ATPSCKMT: variants seen among roughly 807,000 people sequenced by gnomAD.
ATPSCKMT encodes the protein ATP synthase subunit C lysine N-methyltransferase.
ATPSCKMT carries 24 observed loss-of-function variants against 24.3 expected under a neutral mutation model. That is an observed-to-expected ratio of 0.99 (90% CI 0.71 to 1.39). The LOEUF (loss-of-function observed/expected upper bound fraction) is 1.39. ATPSCKMT is among the 40% of genes most tolerant of loss of function. The probability of loss-of-function intolerance (pLI) is 0.00; values close to 1 mark genes in which losing one functional copy is unlikely to be tolerated. For synonymous variants in ATPSCKMT, 95 were observed against 110.5 expected, an observed-to-expected ratio of 0.86 and a Z score of 0.88; for missense variants, 311 against 298.4, an observed-to-expected ratio of 1.04 and a Z score of -0.31.
intron 1 of ATPSCKMT, chr5:10,244,500 C>G: frequency 6.6e-6 from 1 of 152,126 alleles, no homozygotes. Context: ...TTGAGACCAG[C>G]CTGCGCAATA....
At chr5:10,232,484 A>G (rs1744191826) in intron 4 of ATPSCKMT, among the ~76,000 whole-genome samples, 1 of 152,264 alleles carries the variant, frequency 6.6e-6, no homozygotes, top group South Asian at 2.1e-4. Context: ...AGAAATGCAC[A>G]ATAACCCATC....
intron 1 of ATPSCKMT, among the ~76,000 whole-genome samples, chr5:10,246,623 T>C (rs1744943887): frequency 6.6e-6 from 1 of 152,246 alleles, no homozygotes; most frequent in Non-Finnish European, 1.5e-5. Flanking sequence ...AATATTCCAT[T>C]GTATGGATAT....
chr5:10,243,255 G>A (rs914898721), intron 1 of ATPSCKMT, among the ~76,000 whole-genome samples: 3 of 152,226 alleles, frequency 2.0e-5, no homozygotes, highest in Admixed American at 6.5e-5. Context: ...GGAGGCTGAG[G>A]TGGGCGGATC....
intron 3 of ATPSCKMT, 69 bp downstream of exon 3, chr5:10,236,409 A>G: frequency 1.3e-6 from 2 of 1,527,198 alleles, no homozygotes; most frequent in Non-Finnish European, 1.8e-6. Flanking sequence ...TTCAGTTCTC[A>G]GTCATACTAA....
At chr5:10,232,203 C>CA (rs915824636) in intron 4 of ATPSCKMT, among the ~76,000 whole-genome samples, 4 of 148,046 alleles carry the variant, frequency 2.7e-5, no homozygotes, top group Admixed American at 6.7e-5. Context: ...GACTCTGTCT[C>CA]AAAAAAAAGA....
intron 4 of ATPSCKMT, among the ~76,000 whole-genome samples, chr5:10,230,713 C>T (rs893640979): frequency 3.3e-5 from 5 of 152,112 alleles, no homozygotes; most frequent in African/African-American, 9.7e-5. Context: ...TAAGATAACC[C>T]AGCCCTGCCA....
chr5:10,244,766 T>C lies in ATPSCKMT; in HGVS notation c.16+5092A>G, dbSNP rs529606556. 3.6e-4 allele frequency among the ~76,000 whole-genome samples: 54 copies of C among 152,072 alleles called. No individual in the cohort carries two copies. In the South Asian group the frequency reaches 4.4e-3, roughly 12 times the overall value. ...ATCTCTACAAAAAATAAATTAGCCA[T>C]GTGTGGTGGCATGCACTTGTAGTCC... On this transcript the variant is annotated intron_variant, in intron 1 of 4. Coordinates refer to ENST00000511437, the MANE Select transcript of ATPSCKMT (RefSeq NM_199133.4).
intron 1 of ATPSCKMT, 51 bp downstream of exon 1, chr5:10,249,807 C>T (rs996273275): frequency 5.8e-6 from 9 of 1,540,722 alleles, no homozygotes; most frequent in Non-Finnish European, 7.8e-6. Context: ...CCCGGCCCGC[C>T]CGCACCCCTT....
At chr5:10,227,885 G>A (rs529256843) in intron 4 of ATPSCKMT, among the ~76,000 whole-genome samples, 1 of 152,220 alleles carries the variant, frequency 6.6e-6, no homozygotes, top group Non-Finnish European at 1.5e-5. Flanking sequence ...TTTAGCAGAT[G>A]TCTATCATAG....
Position 10,236,841 on chromosome 5 carries a change from A to C in ATPSCKMT, c.307-226T>G. On this transcript the variant is annotated intron_variant, in intron 2 of 4. Coordinates refer to ENST00000511437, the MANE Select transcript of ATPSCKMT (RefSeq NM_199133.4). ...CTTGATTGGTTAAAGACTTCACCTCAAGTATCAGAATAGACATTCAGGTTC... is the reference window on the plus strand; with the variant it reads ...CTTGATTGGTTAAAGACTTCACCTCCAGTATCAGAATAGACATTCAGGTTC... 4 of 1,474,312 alleles carry C rather than the reference A, an allele frequency of 2.7e-6. No homozygotes were observed. The East Asian group carries it at 8.3e-5, about 31-fold the overall frequency. The allele number at this position is 1,474,312 out of a possible 1,614,324, so 91.3% of individuals were successfully genotyped here. A position where few individuals can be genotyped will look rare whatever the true frequency, so the allele number is the denominator to read the frequency against.
chr5:10,248,101 A>G (rs1278748850), intron 1 of ATPSCKMT, among the ~76,000 whole-genome samples: 1 of 152,258 alleles, frequency 6.6e-6, no homozygotes, highest in Non-Finnish European at 1.5e-5. Context: ...GCGGGCTTAT[A>G]TCAGAATGTC....
At chr5:10,230,604 G>C (rs909732448) in intron 4 of ATPSCKMT, among the ~76,000 whole-genome samples, 3 of 152,156 alleles carry the variant, frequency 2.0e-5, no homozygotes, top group Non-Finnish European at 4.4e-5. Flanking sequence ...CTGCGTAAAG[G>C]AATTCAAAAT....
At chr5:10,237,128 T>A (rs1301682524) in intron 2 of ATPSCKMT, 1 of 862,724 alleles carries the variant, frequency 1.2e-6, no homozygotes, top group Non-Finnish European at 1.6e-6. Flanking sequence ...AAAAGTAAAA[T>A]GAAATGAATC....
chr5:10,227,496 C>A lies in ATPSCKMT; in HGVS notation c.647G>T (p.Gly216Val). ...CGATGTACAGGGCCTCTTTTCACGG[C>A]CTCTAAAAGTGCTTGCATCATATGC... ...VWAYDASTFR[G>V]REKRPCTSMH... is the part of the protein sequence containing the mutation. The change falls in exon 5 of 5, where the codon GGC (glycine) becomes GTC (valine). Residue 216 changes from glycine to valine, a missense_variant. Gly to Val is a moderately radical substitution (Grantham distance 109). Transcript: ENST00000511437. 6.2e-7 allele frequency: 1 copy of A among 1,614,160 alleles called. No individual in the cohort carries two copies. The highest frequency in any genetic ancestry group is 8.5e-7 in the Non-Finnish European group (1 of 1,180,038).
At chr5:10,249,112 T>C (rs560656781) in intron 1 of ATPSCKMT, among the ~76,000 whole-genome samples, 1 of 151,996 alleles carries the variant, frequency 6.6e-6, no homozygotes, top group South Asian at 2.1e-4. Context: ...CTACTAAAAA[T>C]ACAAAAATTA....
intron 1 of ATPSCKMT, among the ~76,000 whole-genome samples, chr5:10,242,834 C>T (rs746675591): frequency 2.7e-4 from 41 of 152,272 alleles, no homozygotes; most frequent in African/African-American, 4.6e-4. Flanking sequence ...CCTTGTACAC[C>T]GCCACCAGAG....
intron 4 of ATPSCKMT, among the ~76,000 whole-genome samples, chr5:10,233,695 C>A (rs1356832242): frequency 6.6e-6 from 1 of 152,138 alleles, no homozygotes; most frequent in Non-Finnish European, 1.5e-5. Flanking sequence ...CCCGCTGGGA[C>A]AAGTAATCCT....
intron 1 of ATPSCKMT, among the ~76,000 whole-genome samples, chr5:10,243,411 G>A (rs1744740485): frequency 1.3e-5 from 2 of 152,122 alleles, no homozygotes; most frequent in Non-Finnish European, 1.5e-5. Context: ...TTGAACCCGG[G>A]AGGCAGAGGT....
chr5:10,232,477 AATGCAC>A (rs1293906397), intron 4 of ATPSCKMT, among the ~76,000 whole-genome samples: 1 of 152,212 alleles, frequency 6.6e-6, no homozygotes, highest in East Asian at 1.9e-4. Flanking sequence ...CAGACAAAGA[AATGCAC>A]AATAACCCAT....
Sources: gnomAD v4.1 joint callset for allele counts (sites outside exome capture counted in the v4.1 genomes callset) on GRCh38, gnomAD v4.1.1 for gene constraint, MANE v1.5 for transcripts, NCBI Gene and HGNC (gene_info 2026-07-23, HGNC 2026-07-21) for gene names.